RPAP2: variants seen among roughly 807,000 people sequenced by gnomAD.
RPAP2 encodes RNA polymerase II associated protein 2, also known as putative RNA polymerase II subunit B1 CTD phosphatase RPAP2.
In RPAP2, 52 loss-of-function variants were observed where a neutral mutation model predicts 73.1. The observed-to-expected ratio is 0.71, with a 90% CI of 0.57 to 0.90. The LOEUF is 0.90. Ranked by LOEUF, RPAP2 falls within the 40% of genes least tolerant of loss-of-function variation. The pLI is 0.00. For missense variants in RPAP2, 598 were observed against 701.8 expected, an observed-to-expected ratio of 0.85 and a Z score of 1.67; for synonymous variants, 225 against 242.1, an observed-to-expected ratio of 0.93 and a Z score of 0.65.
intron 11 of RPAP2, among the ~76,000 whole-genome samples, chr1:92,362,920 A>G (rs1654789675): frequency 6.6e-6 from 1 of 152,162 alleles, no homozygotes; most frequent in African/African-American, 2.4e-5. Flanking sequence ...TAAGACTTAC[A>G]CAACTTTTAC....
chr1:92,364,507 AT>A (rs1557625645), intron 11 of RPAP2, among the ~76,000 whole-genome samples: 1 of 151,642 alleles, frequency 6.6e-6, no homozygotes. Flanking sequence ...ATTTTTTTTT[AT>A]TTTTTGCTGG....
In RPAP2 at chr1:92,395,974, CTG is replaced by C. The variant is rs1011734239; in HGVS notation, c.*8964_*8965del. 1 of 152,152 alleles carries C rather than the reference CTG, an allele frequency of 6.6e-6. No homozygotes were observed. Among genetic ancestry groups the C allele is most frequent in the Non-Finnish European group, 1.5e-5 (1 of 68,024 alleles). 9.4% of individuals were successfully genotyped at this position (152,152 alleles called of 1,614,324 possible). A position where few individuals can be genotyped will look rare whatever the true frequency, so the allele number is the denominator to read the frequency against. On this transcript the variant is annotated 3_prime_UTR_variant, in exon 13 of 13. Coordinates refer to ENST00000610020, the MANE Select transcript of RPAP2 (RefSeq NM_024813.3). ...ATGTGTTGGTGATGATGTGGAGAAA[CTG>C]GAGCCCTAATGCATTGCTGGTGGGA... is the stretch of plus-strand genomic sequence containing the variant.
Position 92,323,884 on chromosome 1 carries a change from T to A in RPAP2, c.964T>A (p.Ser322Thr), listed in dbSNP as rs1245207976. The change falls in exon 8 of 13, where the codon TCA (serine) becomes ACA (threonine). Residue 322 changes from serine (S) to threonine (T), a missense_variant. By Grantham distance (58) the Ser-to-Thr change is moderately conservative (BLOSUM62 1). This residue lies in a region of RPAP2 where 506 missense variants were observed against 612.8 expected (regional missense o/e 0.83). Coordinates refer to ENST00000610020, the MANE Select transcript of RPAP2 (RefSeq NM_024813.3). ...SENSESEYSR[S>T]EITLVGISKK... ...AAATTCTGAAAGTGAATACAGTAGGTCAGAAATAACTCTAGTAGGCATAAG... is the reference window on the plus strand; with the variant it reads ...AAATTCTGAAAGTGAATACAGTAGGACAGAAATAACTCTAGTAGGCATAAG... 2 of 1,614,038 alleles carry A rather than the reference T, an allele frequency of 1.2e-6. No homozygotes were observed. The highest frequency in any genetic ancestry group is 1.1e-5 in the South Asian group (1 of 91,078).
Position 92,388,546 on chromosome 1 carries a change from A to T in RPAP2, c.*1535A>T, listed in dbSNP as rs934533698. ...CAGTGGGTGTAGCCCACAGAGGGTT[A>T]GCCGAAGCAAGGTGGGGCATCGCCT... On this transcript the variant is annotated 3_prime_UTR_variant, in exon 13 of 13. Transcript: ENST00000610020. 1.3e-5 allele frequency: 2 copies of T among 152,214 alleles called. No individual in the cohort carries two copies. Among genetic ancestry groups the T allele is most frequent in the African/African-American group, 4.8e-5 (2 of 41,456 alleles). The allele number at this position is 152,214 out of a possible 1,614,324, so 9.4% of individuals were successfully genotyped here. A position where few individuals can be genotyped will look rare whatever the true frequency, so the allele number is the denominator to read the frequency against.
In RPAP2 at chr1:92,390,140, AG is replaced by A. The variant is rs1254445192; in HGVS notation, c.*3130del. 1 of 152,272 alleles carries A rather than the reference AG, an allele frequency of 6.6e-6. No individual in the cohort carries two copies. The highest frequency in any genetic ancestry group is 1.5e-5 in the Non-Finnish European group (1 of 68,072). 9.4% of individuals were successfully genotyped at this position (152,272 alleles called of 1,614,324 possible). A position where few individuals can be genotyped will look rare whatever the true frequency, so the allele number is the denominator to read the frequency against. Reference sequence around the variant, plus strand: ...GAAGGAAAAACTGTTAAGGGCAGCCAGAGAGAAAGGTCAGGTTACCCACAAA... The same window carrying A: ...GAAGGAAAAACTGTTAAGGGCAGCCAAGAGAAAGGTCAGGTTACCCACAAA... On this transcript the variant is annotated 3_prime_UTR_variant, in exon 13 of 13. Coordinates refer to ENST00000610020, the MANE Select transcript of RPAP2 (RefSeq NM_024813.3).
intron 8 of RPAP2, among the ~76,000 whole-genome samples, chr1:92,330,566 G>T (rs1233752603): frequency 1.4e-5 from 2 of 146,488 alleles, no homozygotes; most frequent in Admixed American, 1.4e-4. Flanking sequence ...TCCTGCCTCA[G>T]CCTCCCAAGT....
chr1:92,342,974 T>G (rs542559564), intron 10 of RPAP2, among the ~76,000 whole-genome samples: 1 of 152,284 alleles, frequency 6.6e-6, no homozygotes, highest in Non-Finnish European at 1.5e-5. Flanking sequence ...AAATCTAGAA[T>G]TCAAGGAGGA....
chr1:92,308,174 C>G (rs1651363751), intron 6 of RPAP2, among the ~76,000 whole-genome samples: 1 of 152,104 alleles, frequency 6.6e-6, no homozygotes, highest in South Asian at 2.1e-4. Context: ...GACAACAGCA[C>G]CTGTGATGGC....
intron 8 of RPAP2, among the ~76,000 whole-genome samples, chr1:92,325,266 G>A (rs1467087386): frequency 6.6e-6 from 1 of 152,036 alleles, no homozygotes; most frequent in East Asian, 1.9e-4. Flanking sequence ...AAGTAAATGT[G>A]GCTCTAAATT....
rs1653786496 is a variant in RPAP2 at position 92,344,670 on chromosome 1, A to G, written c.1620-1176A>G. 2.0e-5 allele frequency among the ~76,000 whole-genome samples: 3 copies of G among 152,154 alleles called. No homozygotes were observed. In the South Asian group the frequency reaches 6.2e-4, roughly 32 times the overall value. ...TTATATGCATTTTCAACTTTATTAG[A>G]TATTGCCAAATTGTCATTCAATTGC... On this transcript the variant is annotated intron_variant, in intron 10 of 12. Transcript: ENST00000610020.
chr1:92,303,812 C>A (rs1651026019), intron 3 of RPAP2, among the ~76,000 whole-genome samples, 165 bp from the exon 4 acceptor site: 1 of 152,044 alleles, frequency 6.6e-6, no homozygotes. Flanking sequence ...GAGCACTTCT[C>A]TAAGTGATTT....
chr1:92,353,420 C>T (rs1654313876), intron 11 of RPAP2, among the ~76,000 whole-genome samples: 1 of 152,116 alleles, frequency 6.6e-6, no homozygotes, highest in Non-Finnish European at 1.5e-5. Flanking sequence ...CTTAAATATG[C>T]CTAATCTCAT....
At chr1:92,322,711 C>A (rs1652353844) in intron 7 of RPAP2, among the ~76,000 whole-genome samples, 1 of 151,296 alleles carries the variant, frequency 6.6e-6, no homozygotes, top group Admixed American at 6.6e-5. Flanking sequence ...TCCATCTCTA[C>A]TAAAAAAATA....
At chr1:92,366,834 G>C (rs796198678) in intron 11 of RPAP2, among the ~76,000 whole-genome samples, 3 of 152,056 alleles carry the variant, frequency 2.0e-5, no homozygotes, top group African/African-American at 7.2e-5. Context: ...CTGGAAATAG[G>C]TGACATTTTG....
chr1:92,382,209 G>T (rs1163648407), intron 12 of RPAP2, among the ~76,000 whole-genome samples: 16 of 152,224 alleles, frequency 1.1e-4, no homozygotes, highest in Non-Finnish European at 2.1e-4. Context: ...TTGCTATTGT[G>T]AATAGTGCCT....
chr1:92,396,073 A>G lies in RPAP2; in HGVS notation c.*9062A>G, dbSNP rs554320249. The G allele has an allele frequency of 2.6e-5, 4 of 152,356 alleles. No individual in the cohort carries two copies. Among genetic ancestry groups the G allele is most frequent in the South Asian group, 2.1e-4 (1 of 4,824 alleles). 9.4% of individuals were successfully genotyped at this position (152,356 alleles called of 1,614,324 possible). ...AAAAAGATAAACATAAGTTTACCAT[A>G]TGATCCTGCTATTCCATGAGAAGAG... On this transcript the variant is annotated 3_prime_UTR_variant, in exon 13 of 13. Transcript: ENST00000610020.
At chr1:92,350,462 T>C (rs1012395547) in intron 11 of RPAP2, among the ~76,000 whole-genome samples, 1 of 152,200 alleles carries the variant, frequency 6.6e-6, no homozygotes, top group Admixed American at 6.5e-5. Context: ...TTTTGCATCT[T>C]AGTTGAAGTT....
chr1:92,307,358 G>A (rs1475825065), intron 6 of RPAP2, 82 bp downstream of exon 6: 1 of 913,190 alleles, frequency 1.1e-6, no homozygotes, highest in Non-Finnish European at 1.6e-6. Context: ...CTGAGAGTAA[G>A]TCTAGTTTTC....
At chr1:92,384,852 G>C (rs2101457555) in intron 12 of RPAP2, among the ~76,000 whole-genome samples, 1 of 152,108 alleles carries the variant, frequency 6.6e-6, no homozygotes, top group South Asian at 2.1e-4. Flanking sequence ...TTTGTACATT[G>C]GTTGACAGGT....
Sources: allele counts gnomAD v4.1 joint callset (sites outside exome capture counted in the v4.1 genomes callset), GRCh38; gene constraint gnomAD v4.1.1; regional missense constraint gnomAD v4.1.1; transcripts MANE v1.5; gene names NCBI Gene and HGNC (gene_info 2026-07-23, HGNC 2026-07-21).